The following FNDC3B variants were observed in gnomAD, a reference collection of about 807,000 sequenced individuals.
FNDC3B encodes the protein fibronectin type III domain containing 3B.
A neutral mutation model predicts 151.5 loss-of-function variants in FNDC3B; 12 were observed. That is an observed-to-expected ratio of 0.08 (90% confidence interval 0.05 to 0.13). The LOEUF is 0.13. Among genes scored for constraint, FNDC3B ranks in the 10% least tolerant of loss-of-function variants. The probability of loss-of-function intolerance (pLI) is 1.00; values close to 1 mark genes in which losing one functional copy is unlikely to be tolerated. For synonymous variants in FNDC3B, 528 were observed against 549.0 expected, an observed-to-expected ratio of 0.96 and a Z score of 0.54; for missense variants, 1,214 against 1,505.3, an observed-to-expected ratio of 0.81 and a Z score of 3.20.
rs140477744 is a variant in FNDC3B at position 172,210,069 on chromosome 3, G to A, written c.188-16802G>A. ...CAGGCACTTCTGAGCCTGCGGGAGC[G>A]CAGGGATGCCTGGGTCCAGAGCTGC... On this transcript the variant is annotated intron_variant, in intron 3 of 25. Transcript: ENST00000415807. 8.3e-4 allele frequency among the ~76,000 whole-genome samples: 126 copies of A among 152,326 alleles called. 1 individual carries two copies. Among genetic ancestry groups the A allele is most frequent in the African/African-American group, 2.9e-3 (121 of 41,590 alleles).
chr3:172,191,771 A>C (rs79108343), intron 3 of FNDC3B, among the ~76,000 whole-genome samples: 4,873 of 152,316 alleles, frequency 0.032, 105 homozygotes, highest in Middle Eastern at 0.099. Flanking sequence ...TGCGTGAGCC[A>C]CCGTGCCTGG....
chr3:172,282,666 A>G (rs1994962), intron 6 of FNDC3B, among the ~76,000 whole-genome samples: 79,928 of 152,070 alleles, frequency 0.53, 24,065 homozygotes, highest in African/African-American at 0.84. Flanking sequence ...GACTGAGCAG[A>G]TCTCCTCTGC....
chr3:172,271,614 G>A (rs1201744723), intron 6 of FNDC3B, among the ~76,000 whole-genome samples: 1 of 152,178 alleles, frequency 6.6e-6, no homozygotes, highest in Non-Finnish European at 1.5e-5. Context: ...CAATGCTAGG[G>A]CCTGTTGACC....
intron 2 of FNDC3B, among the ~76,000 whole-genome samples, chr3:172,132,347 G>A (rs907636216): frequency 1.9e-4 from 29 of 152,134 alleles, no homozygotes; most frequent in Non-Finnish European, 2.8e-4. Context: ...GAAATTATAT[G>A]GTGATTTTTA....
chr3:172,056,221 T>A (rs560606655), intron 1 of FNDC3B, among the ~76,000 whole-genome samples: 1,541 of 152,078 alleles, frequency 0.01, 7 homozygotes, highest in Non-Finnish European at 0.013. Context: ...CTTTTTTTTT[T>A]TAAAAAATGT....
At chr3:172,313,224 CA>C (rs1731608592) in intron 11 of FNDC3B, among the ~76,000 whole-genome samples, 1 of 152,176 alleles carries the variant, frequency 6.6e-6, no homozygotes, top group South Asian at 2.1e-4. Context: ...ACTTTCTAGA[CA>C]TCTCCTGCCC....
At position 172,041,411 on chromosome 3, in the gene FNDC3B, C is replaced by CTCCTTCCTTCCTTCCT. The variant is rs10530673; in HGVS notation, c.-29+1667_-29+1682dup. Among the ~76,000 whole-genome samples the CTCCTTCCTTCCTTCCT allele has an allele frequency of 7.8e-4, 108 of 139,006 alleles. 1 individual carries two copies. Among genetic ancestry groups the CTCCTTCCTTCCTTCCT allele is most frequent in the South Asian group, 3.5e-3 (15 of 4,230 alleles). 91.2% of individuals were successfully genotyped at this position (139,006 alleles called of 152,430 possible). A position where few individuals can be genotyped will look rare whatever the true frequency, so the allele number is the denominator to read the frequency against. ...TTTCTTTCTTTCTTTCTCCTTCTCT[C>CTCCTTCCTTCCTTCCT]TCCTTCCTTCCTTCCTTCCTTCCTT... On this transcript the variant is annotated intron_variant, in intron 1 of 25. Transcript: ENST00000415807.
intron 3 of FNDC3B, among the ~76,000 whole-genome samples, chr3:172,197,411 GT>G (rs1724894551): frequency 6.6e-6 from 1 of 152,090 alleles, no homozygotes; most frequent in Non-Finnish European, 1.5e-5. Flanking sequence ...CTGAATATTT[GT>G]TGTATTTCCC....
intron 13 of FNDC3B, among the ~76,000 whole-genome samples, chr3:172,330,945 T>C (rs1159433790): frequency 6.6e-6 from 1 of 152,084 alleles, no homozygotes; most frequent in East Asian, 1.9e-4. Flanking sequence ...CTTGATCCTA[T>C]ATATAATCAG....
At chr3:172,235,878 C>A (rs1478451983) in intron 4 of FNDC3B, among the ~76,000 whole-genome samples, 1 of 152,208 alleles carries the variant, frequency 6.6e-6, no homozygotes, top group Non-Finnish European at 1.5e-5. Context: ...AATAATCTAT[C>A]TGTGTTTCCA....
At chr3:172,221,939 G>A (rs1414509879) in intron 3 of FNDC3B, among the ~76,000 whole-genome samples, 5 of 152,132 alleles carry the variant, frequency 3.3e-5, no homozygotes, top group Admixed American at 2.0e-4. Context: ...GTGGCCTTAT[G>A]GCTACTTCTG....
intron 4 of FNDC3B, among the ~76,000 whole-genome samples, chr3:172,234,031 A>T (rs1384699053): frequency 6.6e-6 from 1 of 152,194 alleles, no homozygotes. Flanking sequence ...AAAGAAATGT[A>T]CCAAGGACAT....
intron 3 of FNDC3B, among the ~76,000 whole-genome samples, chr3:172,137,070 C>G (rs1184355006): frequency 1.3e-5 from 2 of 152,006 alleles, no homozygotes; most frequent in African/African-American, 2.4e-5. Flanking sequence ...TGAAGTCATA[C>G]CCATTGATTA....
At position 172,135,814 on chromosome 3, in the gene FNDC3B, C is replaced by G. The variant is rs564133564; in HGVS notation, c.187+2268C>G. ...GTCACTCAGGCAAAAAATAAGAAAC[C>G]CTTTATATGAGTCCCAGTATGAGTT... On this transcript the variant is annotated intron_variant, in intron 3 of 25. Coordinates refer to ENST00000415807, the MANE Select transcript of FNDC3B (RefSeq NM_022763.4). Among the ~76,000 whole-genome samples, 78 of 152,272 alleles carry G rather than the reference C, an allele frequency of 5.1e-4. 1 individual carries two copies. The highest frequency in any genetic ancestry group is 1.9e-3 in the African/African-American group (77 of 41,552).
chr3:172,099,255 C>G (rs990502923), intron 1 of FNDC3B, among the ~76,000 whole-genome samples: 1 of 152,066 alleles, frequency 6.6e-6, no homozygotes. Flanking sequence ...ATATTTGAAA[C>G]TTGAGGTTCT....
intron 4 of FNDC3B, 136 bp from the exon 5 acceptor site, chr3:172,247,397 A>G: frequency 1.1e-6 from 1 of 903,882 alleles, no homozygotes; most frequent in Non-Finnish European, 1.7e-6. Context: ...TGAACTAGAG[A>G]ACCAGAATAC....
At chr3:172,341,561 T>TA (rs1181376831) in intron 17 of FNDC3B, among the ~76,000 whole-genome samples, 1 of 152,206 alleles carries the variant, frequency 6.6e-6, no homozygotes, top group African/African-American at 2.4e-5. Context: ...TTGCAATGAT[T>TA]AAAAAACTAT....
intron 2 of FNDC3B, 72 bp from the exon 3 acceptor site, chr3:172,133,399 A>G: frequency 8.6e-7 from 1 of 1,168,116 alleles, no homozygotes; most frequent in Middle Eastern, 2.0e-4. Context: ...TAGTATATAA[A>G]TTTAGGTAAT....
chr3:172,226,169 G>A (rs1049622502), intron 3 of FNDC3B, among the ~76,000 whole-genome samples: 1 of 151,924 alleles, frequency 6.6e-6, no homozygotes, highest in African/African-American at 2.4e-5. Flanking sequence ...GCTGGGCGTG[G>A]TGGCGGGCAC....
Sources: gnomAD v4.1 joint callset for allele counts (sites outside exome capture counted in the v4.1 genomes callset) on GRCh38, gnomAD v4.1.1 for gene constraint, MANE v1.5 for transcripts, NCBI Gene and HGNC (gene_info 2026-07-23, HGNC 2026-07-21) for gene names.